Variants in ANTXR2 observed in about 807,000 individuals in gnomAD.
ANTXR2 encodes the protein ANTXR cell adhesion molecule 2.
ANTXR2 carries 44 observed loss-of-function variants against 73.7 expected under a neutral mutation model. The observed-to-expected ratio is 0.60, with a 90% CI of 0.47 to 0.77. The LOEUF is 0.77. ANTXR2 is among the 30% of genes least tolerant of loss of function. The probability of loss-of-function intolerance (pLI) is 0.00; values close to 1 mark genes in which losing one functional copy is unlikely to be tolerated. For synonymous variants in ANTXR2, 217 were observed against 205.9 expected, an observed-to-expected ratio of 1.05 and a Z score of -0.46; for missense variants, 604 against 592.5, an observed-to-expected ratio of 1.02 and a Z score of -0.20.
At chr4:80,033,377 A>G in intron 9 of ANTXR2, 95 bp downstream of exon 9, 2 of 817,838 alleles carry the variant, frequency 2.4e-6, no homozygotes, top group Admixed American at 3.3e-5. Flanking sequence ...ATTAAAAAAT[A>G]TGTCAGTTAG....
chr4:80,018,996 A>G lies in ANTXR2; in HGVS notation c.867-20T>C, dbSNP rs1270944017. ...AGAGTTCTGAAAAAGAAAAGAAACA[A>G]TAATTTTATATACATTTAAAACCAG... On this transcript the variant is annotated intron_variant, in intron 10 of 16. Transcript: ENST00000403729. The G allele has an allele frequency of 7.1e-7, 1 of 1,405,682 alleles. No homozygotes were observed. The highest frequency in any genetic ancestry group is 9.5e-7 in the Non-Finnish European group (1 of 1,058,156). The allele number at this position is 1,405,682 out of a possible 1,614,324, so 87.1% of individuals were successfully genotyped here. A position where few individuals can be genotyped will look rare whatever the true frequency, so the allele number is the denominator to read the frequency against.
chr4:80,003,069 CCAA>C (rs1731128055), intron 12 of ANTXR2, among the ~76,000 whole-genome samples: 1 of 151,152 alleles, frequency 6.6e-6, no homozygotes, highest in African/African-American at 2.4e-5. Flanking sequence ...GGGTATATAC[CCAA>C]AGGACTATAA....
At position 80,072,375 on chromosome 4, in the gene ANTXR2, A is replaced by G. The variant is rs184999270; in HGVS notation, c.152+34T>C. ...CCCCAGCTGATCCAGTGCCGCCCTC[A>G]CCAGGAGACCCTGGACCTCCCTCGC... On this transcript the variant is annotated intron_variant, in intron 1 of 16. Transcript: ENST00000403729. 276 of 1,551,178 alleles carry G rather than the reference A, an allele frequency of 1.8e-4. 2 individuals carry two copies. In the African/African-American group the frequency reaches 3.5e-3, roughly 19 times the overall value.
chr4:80,036,043 A>C lies in ANTXR2; in HGVS notation c.637-11T>G, dbSNP rs1466394168. On this transcript the variant is annotated splice_polypyrimidine_tract_variant and intron_variant, in intron 7 of 16. Coordinates refer to ENST00000403729, the MANE Select transcript of ANTXR2 (RefSeq NM_058172.6). ...TGACTGAGCTAGTATCTAAAAAAGA[A>C]AAAAAAAAAAGATTACCAAGCTATA... The C allele has an allele frequency of 6.9e-7, 1 of 1,445,326 alleles. No homozygotes were observed. The highest frequency in any genetic ancestry group is 9.2e-7 in the Non-Finnish European group (1 of 1,089,522). 89.5% of individuals were successfully genotyped at this position (1,445,326 alleles called of 1,614,324 possible). A position where few individuals can be genotyped will look rare whatever the true frequency, so the allele number is the denominator to read the frequency against.
At chr4:80,062,459 A>T (rs1734306683) in intron 3 of ANTXR2, among the ~76,000 whole-genome samples, 1 of 152,186 alleles carries the variant, frequency 6.6e-6, no homozygotes, top group African/African-American at 2.4e-5. Context: ...TTTCTAGAAC[A>T]TGCTCATAAA....
chr4:80,029,276 C>G (rs1443924507), intron 10 of ANTXR2, among the ~76,000 whole-genome samples: 1 of 152,040 alleles, frequency 6.6e-6, no homozygotes, highest in Non-Finnish European at 1.5e-5. Context: ...CATTTTATAA[C>G]TACTTCAGAG....
chr4:79,984,346 A>T (rs1730014773), intron 13 of ANTXR2, among the ~76,000 whole-genome samples: 1 of 152,136 alleles, frequency 6.6e-6, no homozygotes, highest in Admixed American at 6.5e-5. Context: ...GTAGGTTTGG[A>T]CTCTATGAAA....
intron 8 of ANTXR2, 72 bp from the exon 9 acceptor site, chr4:80,033,642 A>G (rs924355512): frequency 1.7e-6 from 2 of 1,165,494 alleles, no homozygotes; most frequent in African/African-American, 3.2e-5. Flanking sequence ...AGCTGAAATG[A>G]AAGTATTAAG....
At chr4:80,009,302 T>C (rs900692421) in intron 11 of ANTXR2, among the ~76,000 whole-genome samples, 2 of 152,118 alleles carry the variant, frequency 1.3e-5, no homozygotes, top group African/African-American at 4.8e-5. Flanking sequence ...CACCTACTCA[T>C]TTTACAGGGC....
chr4:80,029,405 G>GT (rs1431562186), intron 10 of ANTXR2, among the ~76,000 whole-genome samples: 1 of 151,618 alleles, frequency 6.6e-6, no homozygotes, highest in Non-Finnish European at 1.5e-5. Flanking sequence ...CTCTATCCTG[G>GT]TACAAGTACC....
intron 10 of ANTXR2, among the ~76,000 whole-genome samples, chr4:80,026,898 C>A (rs1012570702): frequency 6.6e-6 from 1 of 152,002 alleles, no homozygotes; most frequent in Non-Finnish European, 1.5e-5. Context: ...ATTGCCAGAA[C>A]CGTATATAAT....
chr4:80,033,420 G>T lies in ANTXR2; in HGVS notation c.796+52C>A, dbSNP rs757147666. 1.1e-5 allele frequency: 15 copies of T among 1,348,106 alleles called. No individual in the cohort carries two copies. The South Asian group carries it at 1.4e-4, about 12-fold the overall frequency. 83.5% of individuals were successfully genotyped at this position (1,348,106 alleles called of 1,614,324 possible). A position where few individuals can be genotyped will look rare whatever the true frequency, so the allele number is the denominator to read the frequency against. On this transcript the variant is annotated intron_variant, in intron 9 of 16. Coordinates refer to ENST00000403729, the MANE Select transcript of ANTXR2 (RefSeq NM_058172.6). The stretch of plus-strand genomic sequence containing the variant: ...TGGAGAAAAAAAGAAAACATTTGAT[G>T]CTGATGTGCTTTGCAGAGATTAAGA...
chr4:80,072,609 T>G lies in ANTXR2; in HGVS notation c.-49A>C. ...CCCTCCCGCTCGCAGTCCCCTAAGC[T>G]CAGGAGGGTCGCAAAGGTGGCGGGA... On this transcript the variant is annotated 5_prime_UTR_variant, in exon 1 of 17. Transcript: ENST00000403729. 7.1e-7 allele frequency: 1 copy of G among 1,409,196 alleles called. No homozygotes were observed. Among genetic ancestry groups the G allele is most frequent in the Admixed American group, 3.2e-5 (1 of 31,512 alleles). The allele number at this position is 1,409,196 out of a possible 1,614,324, so 87.3% of individuals were successfully genotyped here.
At chr4:79,977,319 G>T (rs1729678289) in intron 16 of ANTXR2, among the ~76,000 whole-genome samples, 1 of 152,154 alleles carries the variant, frequency 6.6e-6, no homozygotes, top group African/African-American at 2.4e-5. Context: ...CCAGTCTGTT[G>T]GAACATTTTG....
chr4:79,915,869 T>TATATAC (rs2109935840), intron 16 of ANTXR2, among the ~76,000 whole-genome samples: 1 of 150,126 alleles, frequency 6.7e-6, no homozygotes, highest in Non-Finnish European at 1.5e-5. Context: ...TCTCTATATA[T>TATATAC]ATATATATAC....
Position 80,072,692 on chromosome 4 carries a change from G to T in ANTXR2, c.-132C>A, listed in dbSNP as rs888871450. ...GCGAGCAGCTGAGACGCCGGCGCCT[G>T]CGGCAGCGGGACCCACCAGCTGACA... On this transcript the variant is annotated 5_prime_UTR_variant, in exon 1 of 17. Coordinates refer to ENST00000403729, the MANE Select transcript of ANTXR2 (RefSeq NM_058172.6). 29 of 1,343,264 alleles carry T rather than the reference G, an allele frequency of 2.2e-5. No individual in the cohort carries two copies. Among genetic ancestry groups the T allele is most frequent in the African/African-American group, 2.2e-4 (14 of 64,954 alleles). The allele number at this position is 1,343,264 out of a possible 1,614,324, so 83.2% of individuals were successfully genotyped here. A position where few individuals can be genotyped will look rare whatever the true frequency, so the allele number is the denominator to read the frequency against.
intron 7 of ANTXR2, among the ~76,000 whole-genome samples, chr4:80,038,306 T>C (rs1442833915): frequency 1.3e-5 from 2 of 152,140 alleles, no homozygotes; most frequent in African/African-American, 2.4e-5. Flanking sequence ...ATATGTTGAC[T>C]TGGTCTTTTA....
chr4:79,988,231 A>T (rs1161870369), intron 12 of ANTXR2, among the ~76,000 whole-genome samples: 1 of 294 alleles, frequency 3.4e-3, no homozygotes, highest in Non-Finnish European at 6.8e-3. Context: ...CATAAATTTT[A>T]TATATATATA....
intron 7 of ANTXR2, among the ~76,000 whole-genome samples, chr4:80,052,206 G>C (rs566506875): frequency 6.6e-6 from 1 of 151,626 alleles, no homozygotes; most frequent in African/African-American, 2.4e-5. Context: ...AAAGAATAGA[G>C]TATAGTCTCT....
Sources: allele counts gnomAD v4.1 joint callset (sites outside exome capture counted in the v4.1 genomes callset), GRCh38; gene constraint gnomAD v4.1.1; transcripts MANE v1.5; gene names NCBI Gene and HGNC (gene_info 2026-07-23, HGNC 2026-07-21).